Variants in SIPA1 observed in about 807,000 individuals in gnomAD.
The protein encoded by SIPA1 is signal-induced proliferation-associated protein 1.
Under a neutral mutation model 88.1 loss-of-function variants are expected in SIPA1, and 51 were observed. The ratio of observed to expected loss-of-function variants is 0.58; its 90% CI spans 0.46 to 0.73. SIPA1 has a LOEUF of 0.73. Among genes scored for constraint, SIPA1 ranks in the 30% least tolerant of loss-of-function variants. The pLI is 0.00. For synonymous variants in SIPA1, 681 were observed against 664.8 expected (o/e 1.02, Z -0.37); for missense variants, 1,348 against 1,467.6 (o/e 0.92, Z 1.33).
chr11:65,650,704 G>GAGCCTGAGCTGAGCCTGAGCTCAGC lies in SIPA1; in HGVS notation c.3119_3120insGCCTGAGCTGAGCCTGAGCTCAGCA (p.Asp1040GlufsTer?). 1 of 1,577,348 alleles carries GAGCCTGAGCTGAGCCTGAGCTCAGC rather than the reference G, an allele frequency of 6.3e-7. No individual in the cohort carries two copies. Among genetic ancestry groups the GAGCCTGAGCTGAGCCTGAGCTCAGC allele is most frequent in the Non-Finnish European group, 8.6e-7 (1 of 1,161,784 alleles). On this transcript the variant is annotated frameshift_variant, in exon 16 of 16. Transcript: ENST00000534313. LOFTEE classifies it high-confidence loss of function. ...CAAGCAGCTGGGCTCACCCACCGCC[G>GAGCCTGAGCTGAGCCTGAGCTCAGC]ACCTGGCCTGAGCCGTCTGGAACCA... is the stretch of plus-strand genomic sequence containing the variant.
chr11:65,641,312 A>G lies in SIPA1; in HGVS notation c.391A>G (p.Arg131Gly). 1 of 1,613,538 alleles carries G rather than the reference A, an allele frequency of 6.2e-7. No individual in the cohort carries two copies. Among genetic ancestry groups the G allele is most frequent in the Non-Finnish European group, 8.5e-7 (1 of 1,180,026 alleles). Residue 131 changes from arginine to glycine, a missense_variant, in exon 2 of 16, where the codon AGG becomes GGG. By Grantham distance (125) the Arg-to-Gly change is moderately radical. Transcript: ENST00000534313. ...VQSLLFDWAP[R>G]SQGMGSHSEA... is the part of the protein sequence containing the mutation. ...AAGCCTGCTCTTTGATTGGGCTCCG[A>G]GGTCTCAGGGGATGGGGAGCCACTC...
Position 65,650,623 on chromosome 11 carries a change from A to G in SIPA1, c.3037A>G (p.Asn1013Asp), listed in dbSNP as rs151177280. The change falls in exon 16 of 16, where the codon AAC becomes GAC. Residue 1013 changes from asparagine (N) to aspartate (D), a missense_variant. By Grantham distance (23) the Asn-to-Asp change is conservative. Around this residue, in one of 4 missense-constraint regions of SIPA1, gnomAD observed 615 missense variants for 559.8 expected, o/e 1.10. Transcript: ENST00000534313. ...EEEVRSLRHN[N>D]RRLQAESESA... Reference sequence around the variant, plus strand: ...GGAGGTGCGGAGCCTGAGACACAACAACCGGCGGCTGCAGGCGGAGTCTGA... The same window carrying G: ...GGAGGTGCGGAGCCTGAGACACAACGACCGGCGGCTGCAGGCGGAGTCTGA... The G allele has an allele frequency of 6.3e-7, 1 of 1,578,058 alleles. No individual in the cohort carries two copies. The highest frequency in any genetic ancestry group is 1.4e-5 in the African/African-American group (1 of 74,026).
In SIPA1 at chr11:65,642,536, A is replaced by G. The variant is rs1856026931; in HGVS notation, c.881A>G (p.Lys294Arg). The G allele has an allele frequency of 6.2e-7, 1 of 1,607,704 alleles. No homozygotes were observed. Residue 294 changes from lysine to arginine, a missense_variant, in exon 4 of 16, where the codon AAA (lysine) becomes AGA (arginine). Around this residue, in one of 4 missense-constraint regions of SIPA1, gnomAD observed 641 missense variants for 797.7 expected, o/e 0.80. Coordinates refer to ENST00000534313, the MANE Select transcript of SIPA1 (RefSeq NM_006747.4). This position sits in a 1 kb window ranked among gnomAD's most constrained non-coding sequence, Gnocchi z 6.5. Reference sequence around the variant, plus strand: ...CCCCCACGGGGTCTGTCCCCAAGGAAACTTCTGGAGCACGTGGCGCCGCAG... The same window carrying G: ...CCCCCACGGGGTCTGTCCCCAAGGAGACTTCTGGAGCACGTGGCGCCGCAG... ...PGPPRGLSPR[K>R]LLEHVAPQLS... is the part of the protein sequence containing the mutation.
At chr11:65,638,703 C>G (rs373551872) in intron 1 of SIPA1, among the ~76,000 whole-genome samples, 5 of 152,216 alleles carry the variant, frequency 3.3e-5, no homozygotes, top group Admixed American at 6.5e-5. Context: ...CCTTTCCCCC[C>G]ACCCCTAGTG....
At chr11:65,645,626 C>G (rs1050545060) in intron 5 of SIPA1, among the ~76,000 whole-genome samples, 2 of 152,110 alleles carry the variant, frequency 1.3e-5, no homozygotes, top group African/African-American at 4.8e-5. Flanking sequence ...CCCATCCTGA[C>G]CCCCCTTCAC....
chr11:65,641,486 C>T lies in SIPA1; in HGVS notation c.565C>T (p.Leu189=), dbSNP rs1199577530. The T allele has an allele frequency of 6.2e-7, 1 of 1,612,090 alleles. No homozygotes were observed. Among genetic ancestry groups the T allele is most frequent in the Non-Finnish European group, 8.5e-7 (1 of 1,180,018 alleles). ...AGCATCCCCACCTGTGCCCCCTGCACTGCCCAACGCGGCCGTGTCCATCCT... is the reference window on the plus strand; with the variant it reads ...AGCATCCCCACCTGTGCCCCCTGCATTGCCCAACGCGGCCGTGTCCATCCT... The part of the protein sequence containing the change: ...GPASPPVPPA[L]PNAAVSILEE... The change falls in exon 2 of 16, where the codon CTG becomes TTG. Residue 189 remains leucine, a synonymous_variant. Transcript: ENST00000534313.
Position 65,646,122 on chromosome 11 carries a change from G to A in SIPA1, c.1264-99G>A. On this transcript the variant is annotated intron_variant, in intron 6 of 15. Coordinates refer to ENST00000534313, the MANE Select transcript of SIPA1 (RefSeq NM_006747.4). The surrounding 1 kb of genome is among the most constrained non-coding windows in gnomAD (Gnocchi z 7.5). ...ACACCCTAGGTCTTCACCAGGGGCA[G>A]TGGGGGAGCCATTGGTGCCTTGGCT... 4.2e-6 allele frequency: 6 copies of A among 1,444,246 alleles called. No individual in the cohort carries two copies. Among genetic ancestry groups the A allele is most frequent in the Non-Finnish European group, 4.8e-6 (5 of 1,046,126 alleles). 89.5% of individuals were successfully genotyped at this position (1,444,246 alleles called of 1,614,324 possible).
intron 4 of SIPA1, among the ~76,000 whole-genome samples, chr11:65,644,270 C>A (rs1364623732): frequency 1.3e-5 from 2 of 151,406 alleles, no homozygotes; most frequent in African/African-American, 4.9e-5. Context: ...GGAGAAGAGG[C>A]CCAGGCAGAA....
rs372451677 is a variant in SIPA1, at chr11:65,650,128, G to A, written c.2849-10G>A. On this transcript the variant is annotated splice_polypyrimidine_tract_variant and intron_variant, in intron 13 of 15. Transcript: ENST00000534313. The stretch of plus-strand genomic sequence containing the variant: ...TCTGACCTGCCCACCTGATCCCTTT[G>A]TCCCCACAGGACAGCCCATCCCAGA... 1.2e-6 allele frequency: 2 copies of A among 1,613,968 alleles called. No individual in the cohort carries two copies. The highest frequency in any genetic ancestry group is 2.2e-5 in the South Asian group (2 of 91,070).
At chr11:65,647,227 G>C (rs1193171383) in intron 8 of SIPA1, 157 bp from the exon 9 acceptor site, 1 of 1,392,064 alleles carries the variant, frequency 7.2e-7, no homozygotes, top group Non-Finnish European at 9.3e-7. Flanking sequence ...GTGCCCTCGG[G>C]TAAGCGACTT....
In SIPA1 at chr11:65,642,284, G is replaced by A; in HGVS notation, c.714G>A (p.Leu238=). The A allele has an allele frequency of 1.3e-6, 2 of 1,554,970 alleles. No individual in the cohort carries two copies. The highest frequency in any genetic ancestry group is 1.2e-5 in the South Asian group (1 of 84,314). Residue 238 remains leucine, a synonymous_variant, in exon 3 of 16, where the codon CTG becomes CTA. Transcript: ENST00000534313. The surrounding 1 kb of genome is among the most constrained non-coding windows in gnomAD (Gnocchi z 6.5). ...HQNFFGMDES[L]GPVAVSLRRE... is the part of the protein sequence containing the mutation. ...ACTTCTTCGGGATGGACGAGTCGCT[G>A]GGCCCGGTGGCAGTGAGCCTGCGGC...
chr11:65,640,127 G>C (rs146520124), intron 1 of SIPA1: 22 of 152,406 alleles, frequency 1.4e-4, no homozygotes, highest in African/African-American at 5.3e-4. Flanking sequence ...TCAGGGCAGG[G>C]TGACTGGGGT....
At position 65,650,163 on chromosome 11, in the gene SIPA1, C is replaced by T. The variant is rs1047184294; in HGVS notation, c.2874C>T (p.Asp958=). 1 of 1,614,078 alleles carries T rather than the reference C, an allele frequency of 6.2e-7. No homozygotes were observed. Residue 958 remains aspartate (D), a synonymous_variant, in exon 14 of 16, where the codon GAC becomes GAT. Transcript: ENST00000534313. ...GACAGCCCATCCCAGAGAGTGGAGACCCTAAGGGAACTCCAAAATCTGATG... is the reference window on the plus strand; with the variant it reads ...GACAGCCCATCCCAGAGAGTGGAGATCCTAAGGGAACTCCAAAATCTGATG... ...REGQPIPESG[D]PKGTPKSDAE...
At position 65,647,123 on chromosome 11, in the gene SIPA1, A is replaced by T; in HGVS notation, c.2031+58A>T. 7 of 1,425,740 alleles carry T rather than the reference A, an allele frequency of 4.9e-6. No individual in the cohort carries two copies. In the South Asian group the frequency reaches 8.7e-5, roughly 18 times the overall value. 88.3% of individuals were successfully genotyped at this position (1,425,740 alleles called of 1,614,324 possible). On this transcript the variant is annotated intron_variant, in intron 8 of 15. Transcript: ENST00000534313. ...CGCGGCGGGGCGGAGCCTGCTTTGG[A>T]CCCCTCCCTCCCGCCGCCTTTGTCC...
Position 65,642,072 on chromosome 11 carries a change from G to C in SIPA1, c.680-178G>C. ...TAGGTCTGGGTCTGGGTCCACCTCT[G>C]GGTCAGGGTTGAGATCAAGATATTG... On this transcript the variant is annotated intron_variant, in intron 2 of 15. Transcript: ENST00000534313. This position sits in a 1 kb window ranked among gnomAD's most constrained non-coding sequence, Gnocchi z 6.5. The C allele has an allele frequency of 1.1e-6, 1 of 902,586 alleles. No homozygotes were observed. The highest frequency in any genetic ancestry group is 1.6e-6 in the Non-Finnish European group (1 of 609,270). The allele number at this position is 902,586 out of a possible 1,614,324, so 55.9% of individuals were successfully genotyped here.
chr11:65,649,659 C>T lies in SIPA1; in HGVS notation c.2624C>T (p.Thr875Ile). Reference protein sequence around the residue: ...KPSVPSADSETPLTQDRPGSP... With the variant: ...KPSVPSADSEIPLTQDRPGSP... ...TCAGTACCCAGTGCTGACAGTGAGA[C>T]ACCCCTGACCCAGGTGAGCAGAAAC... Residue 875 changes from threonine (T) to isoleucine (I), a missense_variant, in exon 11 of 16, where the codon ACA becomes ATA. Thr to Ile is a moderately conservative substitution (Grantham distance 89). Transcript: ENST00000534313. The T allele has an allele frequency of 1.9e-6, 3 of 1,614,088 alleles. No homozygotes were observed. The East Asian group carries it at 6.7e-5, about 36-fold the overall frequency.
Position 65,642,445 on chromosome 11 carries a change from C to T in SIPA1, c.808-18C>T, listed in dbSNP as rs753336084. ...ACACCTTGTATGCATCCTGAGTGCC[C>T]TTACACCCCTTCCTCAGCTCCGGAC... On this transcript the variant is annotated intron_variant, in intron 3 of 15. Transcript: ENST00000534313. This position sits in a 1 kb window ranked among gnomAD's most constrained non-coding sequence, Gnocchi z 6.5. 1 of 1,610,060 alleles carries T rather than the reference C, an allele frequency of 6.2e-7. No homozygotes were observed. Among genetic ancestry groups the T allele is most frequent in the Non-Finnish European group, 8.5e-7 (1 of 1,178,368 alleles).
At position 65,645,942 on chromosome 11, in the gene SIPA1, T is replaced by C. The variant is rs761168498; in HGVS notation, c.1248T>C (p.Pro416=). 27 of 1,611,748 alleles carry C rather than the reference T, an allele frequency of 1.7e-5. No individual in the cohort carries two copies. The highest frequency in any genetic ancestry group is 1.6e-4 in the Middle Eastern group (1 of 6,080). The stretch of plus-strand genomic sequence containing the variant: ...TGTCCACGATGCTGCCTTACACCCC[T>C]AATAACCAGCAGCAGGTGTGAGGGG... The part of the protein sequence containing the change: ...FHVSTMLPYT[P]NNQQQLLRKR... Residue 416 remains proline, a synonymous_variant, in exon 6 of 16, where the codon CCT becomes CCC. Coordinates refer to ENST00000534313, the MANE Select transcript of SIPA1 (RefSeq NM_006747.4).
rs200658196 is a variant in SIPA1 at position 65,649,431 on chromosome 11, G to A, written c.2476G>A (p.Glu826Lys). ...TCCTCCAGGGCCTGGGGATCTGGCC[G>A]AGGAGAGGACTGAGTTCCTGCACAG... ...GSPPGPGDLA[E>K]ERTEFLHSQN... The change falls in exon 10 of 16, where the codon GAG becomes AAG. Residue 826 changes from glutamate to lysine, a missense_variant. Physicochemically the swap from Glu to Lys is moderately conservative, Grantham distance 56. Transcript: ENST00000534313. 5.0e-6 allele frequency: 8 copies of A among 1,603,206 alleles called. No homozygotes were observed. The highest frequency in any genetic ancestry group is 3.4e-5 in the Admixed American group (2 of 58,336).
Sources: allele counts gnomAD v4.1 joint callset (sites outside exome capture counted in the v4.1 genomes callset), GRCh38; gene constraint gnomAD v4.1.1; regional missense constraint gnomAD v4.1.1; non-coding constraint Gnocchi (gnomAD v3.1); transcripts MANE v1.5; gene names NCBI Gene and HGNC (gene_info 2026-07-23, HGNC 2026-07-21).